The following DNAJB12 variants were observed in gnomAD, a reference collection of about 807,000 sequenced individuals.
DNAJB12 encodes the protein DnaJ heat shock protein family (Hsp40) member B12, also known as dnaJ homolog subfamily B member 12.
Under a neutral mutation model 40.6 loss-of-function variants are expected in DNAJB12, and 14 were observed. The observed-to-expected ratio is 0.34, with a 90% confidence interval of 0.23 to 0.54. The LOEUF is 0.54. DNAJB12 is among the 20% of genes least tolerant of loss of function. The pLI, the probability that DNAJB12 is intolerant of heterozygous loss-of-function variation, is 0.92. For missense variants in DNAJB12, 444 were observed against 501.7 expected, an observed-to-expected ratio of 0.89 and a Z score of 1.10; for synonymous variants, 181 against 199.5, an observed-to-expected ratio of 0.91 and a Z score of 0.78.
intron 1 of DNAJB12, among the ~76,000 whole-genome samples, chr10:72,351,651 C>A (rs1344274653): frequency 6.6e-6 from 1 of 152,250 alleles, no homozygotes; most frequent in African/African-American, 2.4e-5. Flanking sequence ...CAATCTGTTG[C>A]TTCCTCTGCC....
chr10:72,343,887 CTT>C (rs370222284), intron 2 of DNAJB12, among the ~76,000 whole-genome samples: 2 of 145,140 alleles, frequency 1.4e-5, no homozygotes, highest in Admixed American at 6.9e-5. Context: ...CAATCTGAGT[CTT>C]TTTTTTTTTT....
At chr10:72,348,894 C>T (rs1861865849) in intron 1 of DNAJB12, among the ~76,000 whole-genome samples, 1 of 152,176 alleles carries the variant, frequency 6.6e-6, no homozygotes, top group South Asian at 2.1e-4. Context: ...CATTACCTAC[C>T]CCACCCCACT....
intron 1 of DNAJB12, 47 bp downstream of exon 1, chr10:72,354,718 C>T (rs759803479): frequency 2.0e-6 from 3 of 1,528,986 alleles, no homozygotes; most frequent in South Asian, 1.2e-5. Flanking sequence ...CCCGTGTTCC[C>T]CCCATCAGTT....
At position 72,335,975 on chromosome 10, in the gene DNAJB12, C is replaced by T. The variant is rs368590288; in HGVS notation, c.1007-44G>A. On this transcript the variant is annotated intron_variant, in intron 7 of 8. Coordinates refer to ENST00000444643, the MANE Select transcript of DNAJB12 (RefSeq NM_017626.7). This position sits in a 1 kb window ranked among gnomAD's most constrained non-coding sequence, Gnocchi z 4.4. Reference sequence around the variant, plus strand: ...GGGTTAGTGCACACCCAGTACCTCCCGAAGCCTGCAAGGAAGCCTGCGAGG... The same window carrying T: ...GGGTTAGTGCACACCCAGTACCTCCTGAAGCCTGCAAGGAAGCCTGCGAGG... 1.9e-5 allele frequency: 31 copies of T among 1,607,900 alleles called. No homozygotes were observed. The highest frequency in any genetic ancestry group is 2.5e-5 in the Non-Finnish European group (29 of 1,175,796).
chr10:72,343,657 T>A (rs1419435845), intron 2 of DNAJB12, 146 bp from the exon 3 acceptor site: 1 of 850,576 alleles, frequency 1.2e-6, no homozygotes, highest in Non-Finnish European at 1.9e-6. Flanking sequence ...GTCAGCTGTG[T>A]GACACCAGGG....
At chr10:72,351,061 A>T (rs1861923979) in intron 1 of DNAJB12, among the ~76,000 whole-genome samples, 1 of 152,162 alleles carries the variant, frequency 6.6e-6, no homozygotes, top group African/African-American at 2.4e-5. Context: ...AGCTGCAAGG[A>T]ACCTCAGGAT....
At chr10:72,346,805 T>C (rs1861801039) in intron 1 of DNAJB12, among the ~76,000 whole-genome samples, 1 of 152,112 alleles carries the variant, frequency 6.6e-6, no homozygotes, top group Non-Finnish European at 1.5e-5. Context: ...TTTCAGTGTA[T>C]TTGGTTTTAC....
At position 72,343,363 on chromosome 10, in the gene DNAJB12, T is replaced by A; in HGVS notation, c.457+3A>T. On this transcript the variant is annotated splice_donor_region_variant and intron_variant, in intron 3 of 8. Transcript: ENST00000444643. Reference sequence around the variant, plus strand: ...AAATGCTAGGAAAGCAGGGCTGGCTTACCTTTGAAGGCTTCAGTGGCACCA... The same window carrying A: ...AAATGCTAGGAAAGCAGGGCTGGCTAACCTTTGAAGGCTTCAGTGGCACCA... The A allele has an allele frequency of 6.2e-7, 1 of 1,612,682 alleles. No homozygotes were observed. Among genetic ancestry groups the A allele is most frequent in the South Asian group, 1.1e-5 (1 of 90,714 alleles).
chr10:72,342,339 T>C (rs1861661535), intron 3 of DNAJB12, among the ~76,000 whole-genome samples: 1 of 152,260 alleles, frequency 6.6e-6, no homozygotes, highest in African/African-American at 2.4e-5. Context: ...AAGCCACATC[T>C]GATTCCCATC....
chr10:72,346,638 T>C (rs1184149961), intron 1 of DNAJB12, among the ~76,000 whole-genome samples: 2 of 152,180 alleles, frequency 1.3e-5, no homozygotes, highest in Admixed American at 1.3e-4. Flanking sequence ...TTTTTGTATT[T>C]TTAGTAGAGA....
In DNAJB12 at chr10:72,336,584, TC is replaced by T; in HGVS notation, c.945del (p.Asn316MetfsTer73). 1.9e-6 allele frequency: 3 copies of T among 1,614,124 alleles called. No homozygotes were observed. The highest frequency in any genetic ancestry group is 2.5e-6 in the Non-Finnish European group (3 of 1,180,004). On this transcript the variant is annotated frameshift_variant, in exon 7 of 9. Transcript: ENST00000444643. LOFTEE classifies it high-confidence loss of function. ...TTGGCGATATAATCATCTTCCACAT[TC>T]CGCTCGACTGTTTTGAGGCTGGAGC... ...YTGSSLKTVE[R>X]NVEDDYIANL... is the part of the protein sequence containing the mutation.
At chr10:72,350,458 C>A (rs1723422908) in intron 1 of DNAJB12, among the ~76,000 whole-genome samples, 1 of 150,464 alleles carries the variant, frequency 6.6e-6, no homozygotes, top group African/African-American at 2.5e-5. Context: ...CCTAGCTCTG[C>A]CATTTGCTAG....
chr10:72,335,667 G>C lies in DNAJB12; in HGVS notation c.*30+113C>G. 6.8e-7 allele frequency: 1 copy of C among 1,461,306 alleles called. No individual in the cohort carries two copies. Among genetic ancestry groups the C allele is most frequent in the Non-Finnish European group, 9.0e-7 (1 of 1,107,294 alleles). 90.5% of individuals were successfully genotyped at this position (1,461,306 alleles called of 1,614,324 possible). A position where few individuals can be genotyped will look rare whatever the true frequency, so the allele number is the denominator to read the frequency against. On this transcript the variant is annotated intron_variant, in intron 8 of 8. Transcript: ENST00000444643. This position sits in a 1 kb window ranked among gnomAD's most constrained non-coding sequence, Gnocchi z 4.4. ...GAGGCTGGAGGTCAGGCTGGGGACAGGAGTCTTTGCCACAATCACCAGGCT... is the reference window on the plus strand; with the variant it reads ...GAGGCTGGAGGTCAGGCTGGGGACACGAGTCTTTGCCACAATCACCAGGCT...
intron 1 of DNAJB12, chr10:72,353,773 C>G (rs1861992020): frequency 6.6e-6 from 1 of 152,178 alleles, no homozygotes; most frequent in African/African-American, 2.4e-5. Context: ...CTCTAATCTT[C>G]CCGAGGAGGA....
Position 72,334,119 on chromosome 10 carries a change from T to C in DNAJB12, c.*529A>G, listed in dbSNP as rs1861396817. ...TGCAGAGTTTAAAAAGTAGACTATA[T>C]ATATATATATCTTCATATATGCCTA... On this transcript the variant is annotated 3_prime_UTR_variant, in exon 9 of 9. Transcript: ENST00000444643. 1 of 160,212 alleles carries C rather than the reference T, an allele frequency of 6.2e-6. No homozygotes were observed. Among genetic ancestry groups the C allele is most frequent in the Non-Finnish European group, 1.4e-5 (1 of 72,576 alleles). The allele number at this position is 160,212 out of a possible 1,614,324, so 9.9% of individuals were successfully genotyped here.
At chr10:72,338,415 A>C in intron 5 of DNAJB12, 104 bp from the exon 6 acceptor site, 1 of 897,702 alleles carries the variant, frequency 1.1e-6, no homozygotes, top group East Asian at 2.6e-5. Flanking sequence ...GGGAGACATG[A>C]CACCACTCTG....
Position 72,335,462 on chromosome 10 carries a change from T to C in DNAJB12, c.*30+318A>G, listed in dbSNP as rs1589121757. 3 of 1,103,092 alleles carry C rather than the reference T, an allele frequency of 2.7e-6. No homozygotes were observed. In the Admixed American group the frequency reaches 1.4e-4, roughly 51 times the overall value. The allele number at this position is 1,103,092 out of a possible 1,614,324, so 68.3% of individuals were successfully genotyped here. ...GGGCCGTGCTGACTGATGGCTGGAG[T>C]GGACCAAGAAGCCCCGGGTGGCCCT... is the stretch of plus-strand genomic sequence containing the variant. On this transcript the variant is annotated intron_variant, in intron 8 of 8. Coordinates refer to ENST00000444643, the MANE Select transcript of DNAJB12 (RefSeq NM_017626.7). This position sits in a 1 kb window ranked among gnomAD's most constrained non-coding sequence, Gnocchi z 4.4.
intron 8 of DNAJB12, chr10:72,334,934 G>T: frequency 3.3e-6 from 4 of 1,210,346 alleles, no homozygotes; most frequent in Non-Finnish European, 4.1e-6. Context: ...GCCACCTCTG[G>T]CAAACGCTGG....
rs1861452970 is a variant in DNAJB12 at position 72,335,718 on chromosome 10, C to T, written c.*30+62G>A. 2.6e-6 allele frequency: 4 copies of T among 1,566,282 alleles called. No individual in the cohort carries two copies. The Admixed American group carries it at 5.4e-5, about 21-fold the overall frequency. The stretch of plus-strand genomic sequence containing the variant: ...TCCTCCCTTTCTCCCCCTCCCTCCT[C>T]TGCTCATGACCAGGGCCAAAGCTGC... On this transcript the variant is annotated intron_variant, in intron 8 of 8. Coordinates refer to ENST00000444643, the MANE Select transcript of DNAJB12 (RefSeq NM_017626.7). This position sits in a 1 kb window ranked among gnomAD's most constrained non-coding sequence, Gnocchi z 4.4.
Sources: gnomAD v4.1 joint callset for allele counts (sites outside exome capture counted in the v4.1 genomes callset) on GRCh38, gnomAD v4.1.1 for gene constraint, Gnocchi (gnomAD v3.1) non-coding constraint, MANE v1.5 for transcripts, NCBI Gene and HGNC (gene_info 2026-07-23, HGNC 2026-07-21) for gene names.